The following CTNNA3 variants were observed in gnomAD, a reference collection of about 807,000 sequenced individuals.
CTNNA3 encodes catenin alpha-3.
CTNNA3 carries 76 observed loss-of-function variants against 95.7 expected under a neutral mutation model. That is an observed-to-expected ratio of 0.79 (90% confidence interval 0.66 to 0.96). The LOEUF is 0.96. Ranked by LOEUF, CTNNA3 falls within the 40% of genes least tolerant of loss-of-function variation. The probability of loss-of-function intolerance (pLI) is 0.00; values close to 1 mark genes in which losing one functional copy is unlikely to be tolerated. For missense variants in CTNNA3, 1,191 were observed against 1,089.8 expected (o/e 1.09, Z -1.31); for synonymous variants, 431 against 374.4 (o/e 1.15, Z -1.74).
At chr10:66,727,098 A>C (rs897264342) in intron 9 of CTNNA3, among the ~76,000 whole-genome samples, 3 of 152,148 alleles carry the variant, frequency 2.0e-5, no homozygotes, top group Non-Finnish European at 4.4e-5. Context: ...GATGGAATTG[A>C]GTGTTATGGG....
chr10:66,751,008 G>C (rs1350750960), intron 9 of CTNNA3, among the ~76,000 whole-genome samples: 1 of 152,112 alleles, frequency 6.6e-6, no homozygotes, highest in Non-Finnish European at 1.5e-5. Context: ...GGTGGCTCAT[G>C]TCTATAATCC....
rs1233973389 is a variant in CTNNA3 at position 66,902,844 on chromosome 10, T to C, written c.1048-127320A>G. ...CTAAACTAGGAAGAAGTTAAATCTCTGAATAGACCAATAAGAGGTTCTGAA... is the reference window on the plus strand; with the variant it reads ...CTAAACTAGGAAGAAGTTAAATCTCCGAATAGACCAATAAGAGGTTCTGAA... On this transcript the variant is annotated intron_variant, in intron 7 of 17. Coordinates refer to ENST00000433211, the MANE Select transcript of CTNNA3 (RefSeq NM_013266.4). Among the ~76,000 whole-genome samples, 2 of 152,164 alleles carry C rather than the reference T, an allele frequency of 1.3e-5. 1 individual carries two copies. Among genetic ancestry groups the C allele is most frequent in the Non-Finnish European group, 2.9e-5 (2 of 68,028 alleles).
At chr10:66,857,128 G>T (rs574407983) in intron 7 of CTNNA3, among the ~76,000 whole-genome samples, 1 of 152,186 alleles carries the variant, frequency 6.6e-6, no homozygotes, top group East Asian at 1.9e-4. Context: ...CATATGGCTA[G>T]CCAGTTATTC....
At chr10:66,063,320 A>G (rs78597744) in intron 15 of CTNNA3, among the ~76,000 whole-genome samples, 2 of 130,368 alleles carry the variant, frequency 1.5e-5, no homozygotes, top group African/African-American at 5.1e-5. Context: ...ATATATATAT[A>G]ATATATATAT....
At chr10:66,401,302 G>T (rs1287425279) in intron 11 of CTNNA3, among the ~76,000 whole-genome samples, 1 of 152,066 alleles carries the variant, frequency 6.6e-6, no homozygotes, top group Admixed American at 6.6e-5. Context: ...TGAGGCAGGG[G>T]ATTGTTTGAG....
intron 10 of CTNNA3, among the ~76,000 whole-genome samples, chr10:66,619,057 A>G (rs949342502): frequency 9.9e-5 from 15 of 152,042 alleles, no homozygotes; most frequent in African/African-American, 3.6e-4. Context: ...AATGTCAGGA[A>G]ACAACAGGTG....
intron 1 of CTNNA3, among the ~76,000 whole-genome samples, chr10:67,747,770 T>C (rs1385611493): frequency 1.3e-5 from 2 of 152,138 alleles, no homozygotes; most frequent in African/African-American, 4.8e-5. Flanking sequence ...ATGGATGAAT[T>C]GACAGAAGTA....
chr10:65,956,403 A>T (rs1409227098), intron 17 of CTNNA3, among the ~76,000 whole-genome samples: 1 of 151,888 alleles, frequency 6.6e-6, no homozygotes, highest in Admixed American at 6.6e-5. Context: ...TTCTGCTCTG[A>T]TCTTAGTTAT....
At chr10:67,756,505 A>G (rs1039879459) in intron 1 of CTNNA3, among the ~76,000 whole-genome samples, 1 of 152,220 alleles carries the variant, frequency 6.6e-6, no homozygotes, top group Non-Finnish European at 1.5e-5. Flanking sequence ...ATATTTTCAA[A>G]ACACTAAAAG....
In CTNNA3 at chr10:66,103,243, C is replaced by G. The variant is rs1275763660; in HGVS notation, c.1891G>C (p.Glu631Gln). 6.2e-7 allele frequency: 1 copy of G among 1,613,566 alleles called. No homozygotes were observed. The highest frequency in any genetic ancestry group is 1.3e-5 in the African/African-American group (1 of 74,910). ...AGGTCAGAAACATCCTCCAGTTCCT[C>G]TGGGGTCTATAAAAAGAAAGCAAAA... is the stretch of plus-strand genomic sequence containing the variant. ...RCSVMMIRTP[E>Q]ELEDVSDLEE... The change falls in exon 14 of 18, where the codon GAG becomes CAG. Residue 631 changes from glutamate to glutamine, a missense_variant. Transcript: ENST00000433211.
At chr10:66,273,090 G>A (rs1173382792) in intron 13 of CTNNA3, among the ~76,000 whole-genome samples, 2 of 152,082 alleles carry the variant, frequency 1.3e-5, no homozygotes, top group Non-Finnish European at 2.9e-5. Flanking sequence ...AGTAACCTTG[G>A]CATATGATTT....
At chr10:66,094,574 C>T (rs1052638006) in intron 14 of CTNNA3, among the ~76,000 whole-genome samples, 12 of 152,008 alleles carry the variant, frequency 7.9e-5, no homozygotes, top group African/African-American at 1.2e-4. Context: ...TGTTCCCCTC[C>T]GCTTGAAAAC....
At chr10:67,311,507 G>T (rs1840798967) in intron 5 of CTNNA3, among the ~76,000 whole-genome samples, 1 of 152,182 alleles carries the variant, frequency 6.6e-6, no homozygotes, top group African/African-American at 2.4e-5. Flanking sequence ...AAGGCAGACA[G>T]AAATTTCTAG....
intron 10 of CTNNA3, among the ~76,000 whole-genome samples, chr10:66,614,919 A>T (rs1317441246): frequency 6.6e-6 from 1 of 151,954 alleles, no homozygotes; most frequent in African/African-American, 2.4e-5. Flanking sequence ...TTTCATCATG[A>T]TTTTTGTTAA....
At chr10:66,367,431 A>G (rs970290174) in intron 12 of CTNNA3, among the ~76,000 whole-genome samples, 1 of 151,320 alleles carries the variant, frequency 6.6e-6, no homozygotes, top group Non-Finnish European at 1.5e-5. Context: ...CATGTTATAT[A>G]TATAATACAT....
At chr10:66,852,250 A>C (rs1460736090) in intron 7 of CTNNA3, among the ~76,000 whole-genome samples, 1 of 152,168 alleles carries the variant, frequency 6.6e-6, no homozygotes, top group African/African-American at 2.4e-5. Flanking sequence ...CTGAAATTCA[A>C]TGGCTGACAT....
At chr10:66,569,663 A>T (rs1205508493) in intron 10 of CTNNA3, among the ~76,000 whole-genome samples, 1 of 152,114 alleles carries the variant, frequency 6.6e-6, no homozygotes, top group Non-Finnish European at 1.5e-5. Flanking sequence ...CAGAGAATGC[A>T]CTTCTGGATA....
chr10:66,590,523 G>A (rs925398811), intron 10 of CTNNA3, among the ~76,000 whole-genome samples: 10 of 151,926 alleles, frequency 6.6e-5, no homozygotes, highest in African/African-American at 1.7e-4. Context: ...ATTATGATTC[G>A]GTTAAAACAG....
chr10:67,133,297 A>T (rs1860113300), intron 7 of CTNNA3, among the ~76,000 whole-genome samples: 1 of 129,360 alleles, frequency 7.7e-6, no homozygotes, highest in African/African-American at 3.3e-5. Flanking sequence ...TAGCTAGAGC[A>T]TATTGCCTGA....
Sources: gnomAD v4.1 joint callset for allele counts (sites outside exome capture counted in the v4.1 genomes callset) on GRCh38, gnomAD v4.1.1 for gene constraint, MANE v1.5 for transcripts, NCBI Gene and HGNC (gene_info 2026-07-23, HGNC 2026-07-21) for gene names.